STK39: variants seen among roughly 807,000 people sequenced by gnomAD.
STK39 encodes STE20/SPS1-related proline-alanine-rich protein kinase.
In STK39, 20 loss-of-function variants were observed where a neutral mutation model predicts 77.8. The ratio of observed to expected loss-of-function variants is 0.26; its 90% CI spans 0.18 to 0.37. STK39 has a LOEUF of 0.37. Among genes scored for constraint, STK39 ranks in the 10% least tolerant of loss-of-function variants. The pLI, the probability that STK39 is intolerant of heterozygous loss-of-function variation, is 1.00. For synonymous variants in STK39, 246 were observed against 234.1 expected (o/e 1.05, Z -0.47); for missense variants, 479 against 656.5 (o/e 0.73, Z 2.95).
At chr2:168,138,007 A>G in intron 8 of STK39, 81 bp downstream of exon 8, 2 of 1,523,366 alleles carry the variant, frequency 1.3e-6, no homozygotes, top group South Asian at 2.7e-5. Context: ...CAGTGTCCTC[A>G]CAAAGCCTTT....
At chr2:168,045,874 C>A (rs1387994878) in intron 14 of STK39, among the ~76,000 whole-genome samples, 1 of 152,044 alleles carries the variant, frequency 6.6e-6, no homozygotes, top group Non-Finnish European at 1.5e-5. Flanking sequence ...GACAGGGAAC[C>A]CTCACGAGTT....
At chr2:168,108,177 T>G (rs550216375) in intron 10 of STK39, among the ~76,000 whole-genome samples, 1 of 152,294 alleles carries the variant, frequency 6.6e-6, no homozygotes, top group South Asian at 2.1e-4. Context: ...GAGCACAGTT[T>G]GGGAGATGTC....
At chr2:167,979,809 A>C (rs559878617) in intron 16 of STK39, among the ~76,000 whole-genome samples, 1 of 152,324 alleles carries the variant, frequency 6.6e-6, no homozygotes, top group South Asian at 2.1e-4. Context: ...TAATTAAATA[A>C]AGCAGAGAAG....
At chr2:168,107,613 T>C (rs1222258008) in intron 10 of STK39, among the ~76,000 whole-genome samples, 1 of 152,204 alleles carries the variant, frequency 6.6e-6, no homozygotes, top group East Asian at 1.9e-4. Flanking sequence ...TTCACATCTA[T>C]TTAACTTTGT....
At chr2:168,241,202 A>G (rs1265898666) in intron 1 of STK39, among the ~76,000 whole-genome samples, 1 of 152,224 alleles carries the variant, frequency 6.6e-6, no homozygotes, top group South Asian at 2.1e-4. Flanking sequence ...AGGGAAAAGC[A>G]AAGAGGGAAA....
chr2:168,205,179 T>G (rs1251831784), intron 1 of STK39, among the ~76,000 whole-genome samples: 11 of 152,210 alleles, frequency 7.2e-5, no homozygotes, highest in Admixed American at 7.2e-4. Flanking sequence ...AAATTTTTAA[T>G]GAAAATGTTG....
chr2:168,024,318 T>C lies in STK39; in HGVS notation c.1377-7223A>G, dbSNP rs76052088. Among the ~76,000 whole-genome samples, 1,353 of 152,308 alleles carry C rather than the reference T, an allele frequency of 8.9e-3. 69 individuals carry two copies. The highest frequency in any genetic ancestry group is 0.073 in the Admixed American group (1,111 of 15,302). ...ACTACTTATTTGGCCTTCTGTAACC[T>C]GTTTCCTCAACTGTGAGAGGGGGAA... On this transcript the variant is annotated intron_variant, in intron 14 of 17. Transcript: ENST00000355999.
At chr2:168,011,764 C>T (rs2105312163) in intron 16 of STK39, among the ~76,000 whole-genome samples, 1 of 152,284 alleles carries the variant, frequency 6.6e-6, no homozygotes, top group East Asian at 1.9e-4. Context: ...GAAAGACCCA[C>T]AGTTTCAAAG....
intron 5 of STK39, among the ~76,000 whole-genome samples, chr2:168,158,178 A>G (rs1336775866): frequency 1.3e-5 from 2 of 152,138 alleles, no homozygotes; most frequent in African/African-American, 4.8e-5. Flanking sequence ...AGCAAAACCT[A>G]TTACATTTTC....
chr2:168,156,237 A>C (rs1462277596), intron 5 of STK39, among the ~76,000 whole-genome samples: 1 of 152,236 alleles, frequency 6.6e-6, no homozygotes, highest in Non-Finnish European at 1.5e-5. Flanking sequence ...TCAGGTAAGA[A>C]AGGGGAACCC....
At chr2:168,131,578 G>A (rs955051282) in intron 8 of STK39, among the ~76,000 whole-genome samples, 1 of 152,176 alleles carries the variant, frequency 6.6e-6, no homozygotes, top group East Asian at 1.9e-4. Context: ...CTATTTCTGT[G>A]CAAAGAAATT....
chr2:168,164,224 A>G (rs545293397), intron 3 of STK39, among the ~76,000 whole-genome samples: 5 of 152,308 alleles, frequency 3.3e-5, no homozygotes, highest in African/African-American at 1.2e-4. Context: ...GTCTGAACTG[A>G]CAAAGAAAGG....
rs1163502494 is a variant in STK39 at position 168,101,989 on chromosome 2, CT to C, written c.1090-26759del. Among the ~76,000 whole-genome samples, 5 of 152,266 alleles carry C rather than the reference CT, an allele frequency of 3.3e-5. No individual in the cohort carries two copies. The South Asian group carries it at 6.2e-4, about 19-fold the overall frequency. ...GGCAACCATTAATCTACTTCTATCT[CT>C]ATGGATTTGCCTGTTTTGGGTATTT... On this transcript the variant is annotated intron_variant, in intron 10 of 17. Transcript: ENST00000355999.
chr2:168,072,611 G>GT (rs1323625928), intron 12 of STK39, among the ~76,000 whole-genome samples: 1 of 152,154 alleles, frequency 6.6e-6, no homozygotes, highest in Non-Finnish European at 1.5e-5. Flanking sequence ...TCTCACTGAC[G>GT]TATCCCTTAA....
chr2:168,180,126 C>G (rs530131203), intron 2 of STK39, among the ~76,000 whole-genome samples: 2 of 152,304 alleles, frequency 1.3e-5, no homozygotes, highest in South Asian at 4.1e-4. Context: ...GCGGACAGAT[C>G]ACCTGAGGTC....
chr2:168,077,776 C>A (rs1453703886), intron 10 of STK39, among the ~76,000 whole-genome samples: 1 of 152,038 alleles, frequency 6.6e-6, no homozygotes, highest in African/African-American at 2.4e-5. Context: ...TACAAAGTTA[C>A]ATCCTTGTAG....
intron 1 of STK39, among the ~76,000 whole-genome samples, chr2:168,200,125 G>A (rs879671950): frequency 2.0e-5 from 3 of 152,080 alleles, no homozygotes; most frequent in Admixed American, 2.0e-4. Flanking sequence ...TCTCTCTCTT[G>A]AACATTAAAG....
At chr2:168,148,865 C>A (rs1208255971) in intron 5 of STK39, among the ~76,000 whole-genome samples, 1 of 152,146 alleles carries the variant, frequency 6.6e-6, no homozygotes, top group Non-Finnish European at 1.5e-5. Context: ...TGTTTCCGCT[C>A]CAAAGAGGTG....
At chr2:168,228,095 T>C (rs1183833186) in intron 1 of STK39, among the ~76,000 whole-genome samples, 1 of 152,218 alleles carries the variant, frequency 6.6e-6, no homozygotes, top group Non-Finnish European at 1.5e-5. Context: ...GAGTAGATTG[T>C]ATTAGATGTA....
Sources: gnomAD v4.1 joint callset for allele counts (sites outside exome capture counted in the v4.1 genomes callset) on GRCh38, gnomAD v4.1.1 for gene constraint, MANE v1.5 for transcripts, NCBI Gene and HGNC (gene_info 2026-07-23, HGNC 2026-07-21) for gene names.